TRPC4: variants seen among roughly 807,000 people sequenced by gnomAD.
The protein encoded by TRPC4 is transient receptor potential cation channel subfamily C member 4, also known as short transient receptor potential channel 4.
A neutral mutation model predicts 99.4 loss-of-function variants in TRPC4; 49 were observed. The observed-to-expected ratio is 0.49, with a 90% CI of 0.39 to 0.63. The LOEUF (loss-of-function observed/expected upper bound fraction) is 0.63. Ranked by LOEUF, TRPC4 falls within the 20% of genes least tolerant of loss-of-function variation. The pLI, the probability that TRPC4 is intolerant of heterozygous loss-of-function variation, is 0.00. For missense variants in TRPC4, 898 were observed against 1,152.9 expected (o/e 0.78, Z 3.20); for synonymous variants, 454 against 425.9 (o/e 1.07, Z -0.81).
chr13:37,722,345 A>G lies in TRPC4; in HGVS notation c.897+23592T>C, dbSNP rs535137796. Among the ~76,000 whole-genome samples, 3 of 152,328 alleles carry G rather than the reference A, an allele frequency of 2.0e-5. No homozygotes were observed. The East Asian group carries it at 5.8e-4, about 29-fold the overall frequency. ...GTTTTTAAAATAACCTTCTTCCACC[A>G]CTGGCTCGATTAATTACATAATTTG... On this transcript the variant is annotated intron_variant, in intron 3 of 10. Transcript: ENST00000379705.
At chr13:37,803,177 T>C (rs1272766558) in intron 1 of TRPC4, among the ~76,000 whole-genome samples, 2 of 152,062 alleles carry the variant, frequency 1.3e-5, no homozygotes. Context: ...TGAGAACTTA[T>C]TCACTTTCTG....
At chr13:37,720,112 A>T (rs1370312869) in intron 3 of TRPC4, among the ~76,000 whole-genome samples, 1 of 152,104 alleles carries the variant, frequency 6.6e-6, no homozygotes, top group Non-Finnish European at 1.5e-5. Flanking sequence ...AAGGAAAATG[A>T]TTATCCTCTG....
At chr13:37,767,081 A>T (rs1264946389) in intron 2 of TRPC4, among the ~76,000 whole-genome samples, 7 of 151,348 alleles carry the variant, frequency 4.6e-5, no homozygotes, top group African/African-American at 1.7e-4. Flanking sequence ...TTAGTTGAAC[A>T]CTGCATAATT....
At chr13:37,798,837 T>C (rs903251542) in intron 1 of TRPC4, among the ~76,000 whole-genome samples, 18 of 152,244 alleles carry the variant, frequency 1.2e-4, no homozygotes, top group African/African-American at 3.6e-4. Context: ...ATACTAGAAA[T>C]ATATTTTAGT....
At chr13:37,702,031 G>T (rs1001041014) in intron 3 of TRPC4, among the ~76,000 whole-genome samples, 4 of 152,028 alleles carry the variant, frequency 2.6e-5, no homozygotes, top group Non-Finnish European at 5.9e-5. Context: ...TGAGACTCTG[G>T]GTAGAATCTT....
chr13:37,843,416 G>C (rs1252245777), intron 1 of TRPC4, among the ~76,000 whole-genome samples: 2 of 152,124 alleles, frequency 1.3e-5, no homozygotes, highest in African/African-American at 4.8e-5. Context: ...ATCATTAAAA[G>C]TCAGTTAGCA....
At chr13:37,683,480 C>A (rs1489495969) in intron 4 of TRPC4, among the ~76,000 whole-genome samples, 1 of 152,088 alleles carries the variant, frequency 6.6e-6, no homozygotes, top group South Asian at 2.1e-4. Flanking sequence ...GGATTGACTG[C>A]TGGTTACAGG....
In TRPC4 at chr13:37,826,369, C is replaced by T. The variant is rs1487959231; in HGVS notation, c.-27-43009G>A. Among the ~76,000 whole-genome samples the T allele has an allele frequency of 1.6e-3, 191 of 120,710 alleles. 2 individuals carry two copies. In the East Asian group the frequency reaches 0.044, roughly 28 times the overall value. The allele number at this position is 120,710 out of a possible 152,430, so 79.2% of individuals were successfully genotyped here. A position where few individuals can be genotyped will look rare whatever the true frequency, so the allele number is the denominator to read the frequency against. On this transcript the variant is annotated intron_variant, in intron 1 of 10. Transcript: ENST00000379705. ...AGTTGATGCAGTTTCTTCCTAGTCT[C>T]GATGGTCTTTACATTTTGGCATGAT...
chr13:37,639,280 A>G lies in TRPC4; in HGVS notation c.2099T>C (p.Leu700Ser). The change falls in exon 9 of 11, where the codon TTG (leucine) becomes TCG (serine). Residue 700 changes from leucine (L) to serine (S), a missense_variant. By Grantham distance (145) the Leu-to-Ser change is moderately radical (BLOSUM62 -2). Transcript: ENST00000379705. ...TACTTGGTATTGGTGATGTCTTCTC[A>G]AGTTATCAGCAGCTCGCCTCTGAAA... Reference protein sequence around the residue: ...GTIGRRAADNLRRHHQYQEVM... With the variant: ...GTIGRRAADNSRRHHQYQEVM... The G allele has an allele frequency of 6.2e-7, 1 of 1,613,690 alleles. No individual in the cohort carries two copies. Among genetic ancestry groups the G allele is most frequent in the African/African-American group, 1.3e-5 (1 of 75,020 alleles).
intron 1 of TRPC4, among the ~76,000 whole-genome samples, chr13:37,792,819 A>G (rs1286139907): frequency 6.6e-6 from 1 of 151,842 alleles, no homozygotes; most frequent in Non-Finnish European, 1.5e-5. Flanking sequence ...CATATATAGA[A>G]TTTTTGATAA....
At chr13:37,708,705 GT>G (rs1954373231) in intron 3 of TRPC4, among the ~76,000 whole-genome samples, 1 of 147,746 alleles carries the variant, frequency 6.8e-6, no homozygotes, top group African/African-American at 2.5e-5. Context: ...TATATATATA[GT>G]TTATATATAC....
intron 1 of TRPC4, among the ~76,000 whole-genome samples, chr13:37,852,762 C>T (rs879610839): frequency 6.6e-6 from 1 of 152,076 alleles, no homozygotes; most frequent in African/African-American, 2.4e-5. Flanking sequence ...GGCTGTGCAG[C>T]GTTTACCACA....
intron 7 of TRPC4, among the ~76,000 whole-genome samples, chr13:37,654,491 T>C (rs949324429): frequency 1.3e-5 from 2 of 152,184 alleles, no homozygotes; most frequent in Admixed American, 6.5e-5. Context: ...ACACAGTATG[T>C]ACCCAGTAAT....
At chr13:37,838,639 C>G (rs949649054) in intron 1 of TRPC4, among the ~76,000 whole-genome samples, 3 of 152,046 alleles carry the variant, frequency 2.0e-5, no homozygotes, top group Non-Finnish European at 4.4e-5. Context: ...TCAAAAGTAT[C>G]AAAATGATTC....
chr13:37,708,433 C>T (rs1352501217), intron 3 of TRPC4, among the ~76,000 whole-genome samples: 1 of 152,012 alleles, frequency 6.6e-6, no homozygotes, highest in Non-Finnish European at 1.5e-5. Flanking sequence ...ACTTATATTT[C>T]TGTCAGGATA....
chr13:37,829,807 T>C (rs1256183365), intron 1 of TRPC4, among the ~76,000 whole-genome samples: 1 of 152,122 alleles, frequency 6.6e-6, no homozygotes, highest in Non-Finnish European at 1.5e-5. Flanking sequence ...CATTCAGCAA[T>C]AAAAATTTGA....
intron 1 of TRPC4, among the ~76,000 whole-genome samples, chr13:37,837,491 A>C (rs1291057540): frequency 6.6e-6 from 1 of 152,180 alleles, no homozygotes; most frequent in Admixed American, 6.5e-5. Context: ...GAGTCAAAGG[A>C]GATCATTTTG....
At chr13:37,716,746 G>T (rs910977759) in intron 3 of TRPC4, among the ~76,000 whole-genome samples, 2 of 151,940 alleles carry the variant, frequency 1.3e-5, no homozygotes, top group African/African-American at 4.8e-5. Flanking sequence ...CTACTCAAGG[G>T]CTATTTTTAA....
intron 7 of TRPC4, 47 bp downstream of exon 7, chr13:37,655,041 C>T (rs779159388): frequency 2.9e-6 from 4 of 1,375,014 alleles, no homozygotes; most frequent in East Asian, 2.7e-5. Flanking sequence ...CTAAGAACAA[C>T]ACATTCTAGA....
Sources: allele counts gnomAD v4.1 joint callset (sites outside exome capture counted in the v4.1 genomes callset), GRCh38; gene constraint gnomAD v4.1.1; transcripts MANE v1.5; gene names NCBI Gene and HGNC (gene_info 2026-07-23, HGNC 2026-07-21).